NCOR2: variants seen among roughly 807,000 people sequenced by gnomAD.
NCOR2 encodes CTG repeat protein 26.
In NCOR2, 81 loss-of-function variants were observed where a neutral mutation model predicts 262.9. The observed-to-expected ratio is 0.31, with a 90% CI of 0.26 to 0.37. NCOR2 has a LOEUF of 0.37. Ranked by LOEUF, NCOR2 falls within the 10% of genes least tolerant of loss-of-function variation. NCOR2 has a pLI of 1.00. For synonymous variants in NCOR2, 1,659 were observed against 1,559.3 expected (o/e 1.06, Z -1.51); for missense variants, 3,385 against 3,621.4 (o/e 0.93, Z 1.68).
upstream of NCOR2, chr12:124,539,550 C>T (rs1157060328): frequency 1.3e-5 from 2 of 152,444 alleles, no homozygotes; most frequent in African/African-American, 2.4e-5. The surrounding 1 kb of genome is among the most constrained non-coding windows in gnomAD (Gnocchi z 5.1). Flanking sequence ...GGAAGAAGGG[C>T]CGGGCCTCCA....
chr12:124,389,783 A>G lies in NCOR2; in HGVS notation c.1877-3896T>C, dbSNP rs1371318052. Among the ~76,000 whole-genome samples the G allele has an allele frequency of 6.6e-6, 1 of 152,182 alleles. No individual in the cohort carries two copies. The highest frequency in any genetic ancestry group is 6.5e-5 in the Admixed American group (1 of 15,282). ...GGGTTTGGGGATTTGGGGTCCCCAA[A>G]GAGCCCTCTGCTGCTGGGGGGGTCT... On this transcript the variant is annotated intron_variant, in intron 16 of 46. Transcript: ENST00000405201. This position sits in a 1 kb window ranked among gnomAD's most constrained non-coding sequence, Gnocchi z 4.4.
At chr12:124,532,850 C>T in intron 1 of NCOR2, among the ~76,000 whole-genome samples, 1 of 151,904 alleles carries the variant, frequency 6.6e-6, no homozygotes, top group African/African-American at 2.4e-5. Flanking sequence ...TTGTGGGGGA[C>T]CGCCACCGTC....
At chr12:124,512,952 G>A (rs2049493848) in intron 1 of NCOR2, among the ~76,000 whole-genome samples, 1 of 152,254 alleles carries the variant, frequency 6.6e-6, no homozygotes, top group African/African-American at 2.4e-5. Context: ...GGTGGGGCCA[G>A]GGAGGGCTTC....
At chr12:124,346,879 G>A (rs1234819968) in intron 30 of NCOR2, 29 bp from the exon 33 acceptor site, 8 of 1,504,962 alleles carry the variant, frequency 5.3e-6, no homozygotes, top group East Asian at 2.4e-5. Context: ...TGACCCTCAC[G>A]CCCCGCCCCA....
chr12:124,334,442 T>TG lies in NCOR2; in HGVS notation c.6586dup (p.His2196ProfsTer21). 8 of 1,498,672 alleles carry TG rather than the reference T, an allele frequency of 5.3e-6. No homozygotes were observed. The highest frequency in any genetic ancestry group is 4.7e-5 in the Admixed American group (2 of 42,478). The allele number at this position is 1,498,672 out of a possible 1,614,324, so 92.8% of individuals were successfully genotyped here. ...CGCTCACCTCTTGCCCCCTTCGCTG[T>TG]GGGGGGAGCCACGGGCCGGGGCACC... is the stretch of plus-strand genomic sequence containing the variant. On this transcript the variant is annotated frameshift_variant, in exon 41 of 47. Transcript: ENST00000405201. LOFTEE classifies it high-confidence loss of function.
At chr12:124,333,899 C>CATGTGTGTGT (rs1292064497) in intron 41 of NCOR2, among the ~76,000 whole-genome samples, 1 of 90,720 alleles carries the variant, frequency 1.1e-5, no homozygotes, top group Non-Finnish European at 2.5e-5. Flanking sequence ...TGTGTGTGCG[C>CATGTGTGTGT]GCGCATGTGT....
chr12:124,556,666 C>T (rs982680907), intron 1 of NCOR2, among the ~76,000 whole-genome samples: 1 of 152,134 alleles, frequency 6.6e-6, no homozygotes, highest in East Asian at 1.9e-4. Context: ...TTGAGACCAG[C>T]CTGGCCAACA....
intron 20 of NCOR2, 123 bp from the exon 23 acceptor site, chr12:124,363,922 AC>A (rs1348884722): frequency 1.3e-6 from 1 of 754,588 alleles, no homozygotes; most frequent in African/African-American, 1.8e-5. Flanking sequence ...AGGCCCTGAG[AC>A]ACGAGGCGAC....
chr12:124,404,182 C>A (rs919321625), intron 13 of NCOR2, among the ~76,000 whole-genome samples: 2 of 152,178 alleles, frequency 1.3e-5, no homozygotes, highest in East Asian at 1.9e-4. Flanking sequence ...CACATTTGCC[C>A]GATGTGGGCA....
chr12:124,429,360 G>T (rs1053057677), intron 10 of NCOR2: 3 of 526,522 alleles, frequency 5.7e-6, no homozygotes, highest in East Asian at 3.2e-5. Flanking sequence ...GCATCTGGAT[G>T]GGGGAGCGCC....
intron 18 of NCOR2, among the ~76,000 whole-genome samples, chr12:124,374,908 C>A (rs1033629816): frequency 9.9e-5 from 15 of 152,228 alleles, no homozygotes; most frequent in East Asian, 1.9e-4. Flanking sequence ...ATTGCCCCCC[C>A]ACCAACCCTC....
chr12:124,475,935 G>C (rs1037304713), intron 3 of NCOR2, among the ~76,000 whole-genome samples: 1 of 152,220 alleles, frequency 6.6e-6, no homozygotes, highest in African/African-American at 2.4e-5. Flanking sequence ...ATAGGGCTGA[G>C]CATAAGCGCC....
intron 37 of NCOR2, among the ~76,000 whole-genome samples, chr12:124,339,227 A>G: frequency 5.2e-5 from 1 of 19,092 alleles, no homozygotes; most frequent in African/African-American, 2.2e-4. Context: ...CCACCCACCC[A>G]CCCACCCACC....
At chr12:124,496,763 G>A (rs2048402977), upstream of NCOR2, among the ~76,000 whole-genome samples, 1 of 149,664 alleles carries the variant, frequency 6.7e-6, no homozygotes, top group African/African-American at 2.4e-5. The surrounding 1 kb of genome is among the most constrained non-coding windows in gnomAD (Gnocchi z 4.4). Context: ...ATGGTCATGT[G>A]ACCCGGTCCT....
intron 16 of NCOR2, among the ~76,000 whole-genome samples, chr12:124,391,535 C>T (rs984662287): frequency 2.0e-5 from 3 of 152,100 alleles, no homozygotes; most frequent in Admixed American, 2.0e-4. Flanking sequence ...GGTGCCTCCG[C>T]ATTGACACCC....
intron 44 of NCOR2, among the ~76,000 whole-genome samples, chr12:124,329,457 T>TCAAACAAACAGA (rs2034990392): frequency 6.6e-6 from 1 of 151,652 alleles, no homozygotes; most frequent in African/African-American, 2.4e-5. Context: ...CAAGACTCTG[T>TCAAACAAACAGA]CAAACAAACA....
At position 124,531,183 on chromosome 12, in the gene NCOR2, T is replaced by C. The variant is rs148385273; in HGVS notation, c.-118+4382A>G. ...CGTCTGGGAGGCATCCACCAACTCA[T>C]GCTGAACAACAGTCCAGCCAGAGCC... is the stretch of plus-strand genomic sequence containing the variant. On this transcript the variant is annotated intron_variant, in intron 1 of 46. Transcript: ENST00000404621. This position sits in a 1 kb window ranked among gnomAD's most constrained non-coding sequence, Gnocchi z 4.5. 6.6e-6 allele frequency among the ~76,000 whole-genome samples: 1 copy of C among 152,106 alleles called. No homozygotes were observed. Among genetic ancestry groups the C allele is most frequent in the Non-Finnish European group, 1.5e-5 (1 of 68,006 alleles).
At chr12:124,558,023 C>CGAG (rs1313073564) in intron 1 of NCOR2, among the ~76,000 whole-genome samples, 3 of 152,196 alleles carry the variant, frequency 2.0e-5, no homozygotes, top group African/African-American at 7.2e-5. Context: ...ACCCGGCAGG[C>CGAG]TCTCCTCTTT....
At chr12:124,340,865 C>T in intron 34 of NCOR2, 114 bp from the exon 37 acceptor site, 4 of 1,078,234 alleles carry the variant, frequency 3.7e-6, no homozygotes, top group South Asian at 3.7e-5. Flanking sequence ...GCCAGCAGAG[C>T]TGGTGGCAGG....
Sources: allele counts gnomAD v4.1 joint callset (sites outside exome capture counted in the v4.1 genomes callset), GRCh38; gene constraint gnomAD v4.1.1; non-coding constraint Gnocchi (gnomAD v3.1); transcripts MANE v1.5; gene names NCBI Gene and HGNC (gene_info 2026-07-23, HGNC 2026-07-21).